Variants in CTBP2 observed in about 807,000 individuals in gnomAD.
CTBP2 encodes C-terminal-binding protein 2.
In CTBP2, 30 loss-of-function variants were observed where a neutral mutation model predicts 80.3. The ratio of observed to expected loss-of-function variants is 0.37; its 90% CI spans 0.28 to 0.51. The LOEUF (loss-of-function observed/expected upper bound fraction) is 0.51, where lower values mean the gene tolerates loss of function less well. CTBP2 is among the 20% of genes least tolerant of loss of function. The pLI, the probability that CTBP2 is intolerant of heterozygous loss-of-function variation, is 0.93. For missense variants in CTBP2, 1,212 were observed against 1,375.3 expected (o/e 0.88, Z 1.88); for synonymous variants, 594 against 587.4 (o/e 1.01, Z -0.16).
intron 1 of CTBP2, chr10:125,005,887 A>G (rs1955179581): frequency 1.3e-6 from 2 of 1,531,002 alleles, no homozygotes; most frequent in Non-Finnish European, 1.7e-6. Flanking sequence ...GTTATCGGAG[A>G]GAGTGCCTGA....
chr10:125,140,206 G>A (rs1857575713), intron 1 of CTBP2, among the ~76,000 whole-genome samples: 1 of 152,164 alleles, frequency 6.6e-6, no homozygotes, highest in South Asian at 2.1e-4. Flanking sequence ...AAGAAGCCAA[G>A]AATGCTTAGA....
intron 2 of CTBP2, among the ~76,000 whole-genome samples, chr10:125,070,696 C>T (rs1024987697): frequency 8.6e-5 from 13 of 152,006 alleles, no homozygotes; most frequent in Admixed American, 2.0e-4. Flanking sequence ...GAGGGAGTCT[C>T]GTTCTGTTGC....
intron 2 of CTBP2, among the ~76,000 whole-genome samples, chr10:125,084,811 G>A (rs188321732): frequency 3.0e-4 from 46 of 152,224 alleles, no homozygotes; most frequent in Admixed American, 9.8e-4. Flanking sequence ...GACGCCTTGA[G>A]ATCCCCAAAA....
intron 2 of CTBP2, among the ~76,000 whole-genome samples, chr10:125,105,185 T>A (rs940542714): frequency 2.6e-5 from 4 of 152,108 alleles, no homozygotes; most frequent in Admixed American, 6.5e-5. Context: ...TCTCCCTCTG[T>A]CACCCAAGGC....
chr10:125,050,151 T>A (rs1222841884), intron 2 of CTBP2, among the ~76,000 whole-genome samples: 3 of 152,214 alleles, frequency 2.0e-5, no homozygotes, highest in Non-Finnish European at 4.4e-5. Flanking sequence ...GCAGATACTC[T>A]ATGCCTGGGT....
chr10:125,093,601 A>AC (rs1564901789), intron 2 of CTBP2, among the ~76,000 whole-genome samples: 1 of 151,782 alleles, frequency 6.6e-6, no homozygotes, highest in Non-Finnish European at 1.5e-5. Flanking sequence ...AGGCTGCCCC[A>AC]CCCCCTCCCT....
chr10:125,080,633 G>A (rs1847037849), intron 2 of CTBP2, among the ~76,000 whole-genome samples: 1 of 152,194 alleles, frequency 6.6e-6, no homozygotes, highest in Non-Finnish European at 1.5e-5. Flanking sequence ...ATTTAAAAAG[G>A]GGGAAAAATA....
At chr10:125,003,139 C>G (rs1225854064) in intron 2 of CTBP2, 35 bp from the exon 5 acceptor site, 1 of 1,611,742 alleles carries the variant, frequency 6.2e-7, no homozygotes, top group Non-Finnish European at 8.5e-7. Context: ...CGGAGCCCCA[C>G]CCCGTGCAGC....
chr10:125,086,042 AGAACCACTCCCTGTGTTCTCACCAAAGG>A (rs1362747512), intron 2 of CTBP2, among the ~76,000 whole-genome samples: 1 of 152,218 alleles, frequency 6.6e-6, no homozygotes, highest in Non-Finnish European at 1.5e-5. Flanking sequence ...CTCCCCACAG[AGAACCACTCCCTGTGTTCTCACCAAAGG>A]GTCCCCTCAG....
At chr10:125,047,931 A>G (rs1373125633) in intron 2 of CTBP2, among the ~76,000 whole-genome samples, 3 of 152,196 alleles carry the variant, frequency 2.0e-5, no homozygotes, top group Admixed American at 2.0e-4. Flanking sequence ...TGAATTTGTA[A>G]AAAAAATCTT....
intron 1 of CTBP2, among the ~76,000 whole-genome samples, chr10:125,018,553 CAACAAACAAACAAACAAACA>C (rs59184976): frequency 3.0e-4 from 30 of 99,484 alleles, no homozygotes; most frequent in Non-Finnish European, 4.7e-4. Flanking sequence ...CCAAACCAAC[CAACAAACAAACAAACAAACA>C]AACAAACAAA....
intron 1 of CTBP2, among the ~76,000 whole-genome samples, chr10:125,115,726 T>C (rs749987238): frequency 1.3e-5 from 2 of 152,212 alleles, no homozygotes; most frequent in Non-Finnish European, 2.9e-5. Flanking sequence ...AAGAATCCAA[T>C]AGTCCTAATC....
At chr10:125,090,580 T>C (rs1388922136) in intron 2 of CTBP2, among the ~76,000 whole-genome samples, 1 of 150,728 alleles carries the variant, frequency 6.6e-6, no homozygotes, top group African/African-American at 2.4e-5. Context: ...TTGGGCAACA[T>C]AGTGAGACCC....
chr10:124,991,894 G>A (rs1017600483), intron 8 of CTBP2, among the ~76,000 whole-genome samples: 1 of 54,770 alleles, frequency 1.8e-5, no homozygotes, highest in South Asian at 6.9e-4. Context: ...CAGCAATAAT[G>A]GGGGGGGGGG....
chr10:125,023,989 C>T (rs1381625362), intron 1 of CTBP2, among the ~76,000 whole-genome samples: 1 of 152,122 alleles, frequency 6.6e-6, no homozygotes, highest in African/African-American at 2.4e-5. Context: ...AGGCTGGCGG[C>T]GTCCCAAACA....
intron 1 of CTBP2, among the ~76,000 whole-genome samples, chr10:125,138,553 A>C (rs761203129): frequency 6.6e-6 from 1 of 151,960 alleles, no homozygotes; most frequent in Non-Finnish European, 1.5e-5. Flanking sequence ...GCAGAGAAGG[A>C]GGCTCGTGGA....
intron 3 of CTBP2, among the ~76,000 whole-genome samples, chr10:125,002,443 CTG>C (rs1212876323): frequency 6.6e-6 from 1 of 152,248 alleles, no homozygotes; most frequent in African/African-American, 2.4e-5. Context: ...CTGTCATCAA[CTG>C]TGTTGGGCAG....
chr10:125,110,717 C>T (rs940328554), intron 2 of CTBP2, among the ~76,000 whole-genome samples: 7 of 152,118 alleles, frequency 4.6e-5, no homozygotes, highest in East Asian at 1.9e-4. Context: ...GCATAATTTC[C>T]GTTGACTTAT....
intron 2 of CTBP2, among the ~76,000 whole-genome samples, chr10:125,063,559 C>T (rs748538275): frequency 3.9e-5 from 6 of 152,224 alleles, no homozygotes; most frequent in Non-Finnish European, 8.8e-5. Flanking sequence ...AAGTAAAATG[C>T]TCATCCTCTG....
Sources: allele counts gnomAD v4.1 joint callset (sites outside exome capture counted in the v4.1 genomes callset), GRCh38; gene constraint gnomAD v4.1.1; transcripts MANE v1.5; gene names NCBI Gene and HGNC (gene_info 2026-07-23, HGNC 2026-07-21).